Variants in CHODL observed in about 807,000 individuals in gnomAD.
CHODL encodes the protein transmembrane protein MT75.
A neutral mutation model predicts 34.5 loss-of-function variants in CHODL; 29 were observed. That is an observed-to-expected ratio of 0.84 (90% confidence interval 0.63 to 1.15). The LOEUF (loss-of-function observed/expected upper bound fraction) is 1.15, where lower values mean the gene tolerates loss of function less well. Among genes scored for constraint, CHODL ranks in the 50% most tolerant of loss-of-function variants. The probability of loss-of-function intolerance (pLI) is 0.00; values close to 1 mark genes in which losing one functional copy is unlikely to be tolerated. For missense variants in CHODL, 332 were observed against 332.5 expected, an observed-to-expected ratio of 1.00 and a Z score of 0.01; for synonymous variants, 125 against 116.1, an observed-to-expected ratio of 1.08 and a Z score of -0.49.
chr21:18,102,333 GTAAGTT>G (rs2065225783), intron 2 of CHODL, among the ~76,000 whole-genome samples: 1 of 152,158 alleles, frequency 6.6e-6, no homozygotes, highest in Non-Finnish European at 1.5e-5. Context: ...GCTGTTCCCA[GTAAGTT>G]ACTACAGTCC....
Position 18,258,194 on chromosome 21 carries a change from T to A in CHODL, c.547+1067T>A, listed in dbSNP as rs1023411757. On this transcript the variant is annotated intron_variant, in intron 3 of 5. Coordinates refer to ENST00000299295, the MANE Select transcript of CHODL (RefSeq NM_024944.3). ...TGAGTGTATTAGCCACCTTTTTTTT[T>A]ATCCCTGGTGAGTTTATTCTTTAAC... 2.6e-5 allele frequency among the ~76,000 whole-genome samples: 4 copies of A among 152,260 alleles called. No homozygotes were observed. The East Asian group carries it at 5.8e-4, about 22-fold the overall frequency.
At chr21:18,120,027 G>T (rs1332587366) in intron 2 of CHODL, among the ~76,000 whole-genome samples, 5 of 152,118 alleles carry the variant, frequency 3.3e-5, no homozygotes, top group Non-Finnish European at 7.4e-5. Context: ...TTTGTATCTT[G>T]GGATGGTGGT....
At chr21:18,055,585 G>C (rs911215950) in intron 2 of CHODL, among the ~76,000 whole-genome samples, 1 of 152,030 alleles carries the variant, frequency 6.6e-6, no homozygotes, top group African/African-American at 2.4e-5. Flanking sequence ...TAAAGTATGA[G>C]AAAAACAGGG....
intron 2 of CHODL, among the ~76,000 whole-genome samples, chr21:18,225,572 A>G (rs1442678489): frequency 6.6e-6 from 1 of 152,308 alleles, no homozygotes; most frequent in South Asian, 2.1e-4. Context: ...AGTTCATTGT[A>G]AAATATCCAA....
intron 4 of CHODL, among the ~76,000 whole-genome samples, chr21:18,261,135 C>T (rs1034404782): frequency 6.6e-6 from 1 of 152,066 alleles, no homozygotes; most frequent in Non-Finnish European, 1.5e-5. Flanking sequence ...TACATCTGGT[C>T]CACTTTGACC....
intron 2 of CHODL, among the ~76,000 whole-genome samples, chr21:18,078,241 C>T (rs1269879403): frequency 6.6e-6 from 1 of 152,062 alleles, no homozygotes; most frequent in Non-Finnish European, 1.5e-5. Context: ...GGGGAGGGCT[C>T]ACAATCATGG....
At chr21:17,977,726 G>A (rs1300534286) in intron 1 of CHODL, among the ~76,000 whole-genome samples, 1 of 148,558 alleles carries the variant, frequency 6.7e-6, no homozygotes, top group Non-Finnish European at 1.5e-5. Context: ...AGACCATCCT[G>A]GCCAACATGG....
At chr21:18,183,153 A>G (rs1199791184) in intron 2 of CHODL, among the ~76,000 whole-genome samples, 1 of 152,200 alleles carries the variant, frequency 6.6e-6, no homozygotes, top group Non-Finnish European at 1.5e-5. Flanking sequence ...CTCCAAGAAC[A>G]CACTTCACTC....
upstream of CHODL, among the ~76,000 whole-genome samples, chr21:18,240,982 C>T (rs1476706363): frequency 3.3e-5 from 5 of 151,960 alleles, no homozygotes; most frequent in African/African-American, 1.2e-4. Context: ...AATGAAATTC[C>T]CCTAGACAGC....
At chr21:18,029,485 T>C (rs1046760237) in intron 2 of CHODL, among the ~76,000 whole-genome samples, 1 of 152,208 alleles carries the variant, frequency 6.6e-6, no homozygotes, top group Non-Finnish European at 1.5e-5. Context: ...TTTGAAACTT[T>C]GATCAAAATA....
chr21:18,085,010 A>C (rs1469491957), intron 2 of CHODL, among the ~76,000 whole-genome samples: 1 of 150,000 alleles, frequency 6.7e-6, no homozygotes, highest in Non-Finnish European at 1.5e-5. Context: ...AATTATTAGA[A>C]TCTGTTTTTG....
rs1176773221 is a variant in CHODL, at chr21:18,265,215, ATGTGTATATATATATG to A, written c.738-719_738-704del. 6.0e-5 allele frequency among the ~76,000 whole-genome samples: 8 copies of A among 133,170 alleles called. No individual in the cohort carries two copies. In the East Asian group the frequency reaches 7.9e-4, roughly 13 times the overall value. 87.4% of individuals were successfully genotyped at this position (133,170 alleles called of 152,430 possible). A position where few individuals can be genotyped will look rare whatever the true frequency, so the allele number is the denominator to read the frequency against. ...TATACACACACACACACATATATGTATGTGTATATATATATGTGTGTATATATATATGTGTATATAT... is the reference window on the plus strand; with the variant it reads ...TATACACACACACACACATATATGTATGTGTATATATATATGTGTATATAT... On this transcript the variant is annotated intron_variant, in intron 5 of 5. Coordinates refer to ENST00000299295, the MANE Select transcript of CHODL (RefSeq NM_024944.3).
At chr21:18,251,959 A>G (rs1460952449) in intron 1 of CHODL, among the ~76,000 whole-genome samples, 1 of 151,832 alleles carries the variant, frequency 6.6e-6, no homozygotes, top group Non-Finnish European at 1.5e-5. Context: ...TCCAGTGCAG[A>G]AAAACTTACA....
At chr21:18,139,059 G>C (rs561640481) in intron 2 of CHODL, among the ~76,000 whole-genome samples, 23 of 152,144 alleles carry the variant, frequency 1.5e-4, no homozygotes, top group East Asian at 3.9e-4. Flanking sequence ...GTTGGTGTGT[G>C]AATGTGCGCA....
chr21:18,179,026 T>TCAACA (rs1428495932), intron 2 of CHODL, among the ~76,000 whole-genome samples: 1 of 152,190 alleles, frequency 6.6e-6, no homozygotes, highest in African/African-American at 2.4e-5. Context: ...CCCTTTCTTC[T>TCAACA]GTTGATAAGA....
chr21:18,033,119 G>C (rs970595177), intron 2 of CHODL, among the ~76,000 whole-genome samples: 3 of 151,972 alleles, frequency 2.0e-5, no homozygotes, highest in Admixed American at 6.6e-5. Context: ...TGGGGGTTAG[G>C]GAAGGCTGAA....
chr21:18,191,922 T>G (rs1379854384), intron 2 of CHODL, among the ~76,000 whole-genome samples: 1 of 152,190 alleles, frequency 6.6e-6, no homozygotes. Context: ...TTGTATTGTA[T>G]ACTTAAAATT....
chr21:18,194,945 TATC>T (rs1157552984), intron 2 of CHODL, among the ~76,000 whole-genome samples: 4 of 152,262 alleles, frequency 2.6e-5, no homozygotes, highest in East Asian at 3.9e-4. Context: ...TTCACATGCT[TATC>T]ATTTTCTGTG....
chr21:18,244,079 G>C (rs561006955), upstream of CHODL, among the ~76,000 whole-genome samples: 1 of 152,314 alleles, frequency 6.6e-6, no homozygotes, highest in East Asian at 1.9e-4. Context: ...TTTTAATAAA[G>C]AGAGCAGGTC....
Sources: gnomAD v4.1 joint callset for allele counts (sites outside exome capture counted in the v4.1 genomes callset) on GRCh38, gnomAD v4.1.1 for gene constraint, MANE v1.5 for transcripts, NCBI Gene and HGNC (gene_info 2026-07-23, HGNC 2026-07-21) for gene names.